The following ZNF704 variants were observed in gnomAD, a reference collection of about 807,000 sequenced individuals.
ZNF704 encodes the protein zinc finger protein 704.
Under a neutral mutation model 44.7 loss-of-function variants are expected in ZNF704, and 10 were observed. The ratio of observed to expected loss-of-function variants is 0.22; its 90% CI spans 0.14 to 0.38. The LOEUF is 0.38. Among genes scored for constraint, ZNF704 ranks in the 10% least tolerant of loss-of-function variants. The probability of loss-of-function intolerance (pLI) is 1.00; values close to 1 mark genes in which losing one functional copy is unlikely to be tolerated. For missense variants in ZNF704, 390 were observed against 545.5 expected (o/e 0.71, Z 2.84); for synonymous variants, 211 against 207.6 (o/e 1.02, Z -0.14).
At chr8:80,850,792 T>A (rs1808845376) in intron 1 of ZNF704, among the ~76,000 whole-genome samples, 1 of 152,142 alleles carries the variant, frequency 6.6e-6, no homozygotes. Flanking sequence ...TGCAAATACA[T>A]GCATATGTGT....
chr8:80,838,390 A>G (rs906498291), intron 1 of ZNF704, among the ~76,000 whole-genome samples: 1 of 152,216 alleles, frequency 6.6e-6, no homozygotes, highest in African/African-American at 2.4e-5. Flanking sequence ...CTGGGCAGAA[A>G]CAGGGCCAAC....
At position 80,856,852 on chromosome 8, in the gene ZNF704, T is replaced by C. The variant is rs546989919; in HGVS notation, c.-22+17719A>G. ...TTATTGTAGTTATTTTGCATTTCCATATACATTTGAGATTAGCTTGTCAAT... is the reference window on the plus strand; with the variant it reads ...TTATTGTAGTTATTTTGCATTTCCACATACATTTGAGATTAGCTTGTCAAT... On this transcript the variant is annotated intron_variant, in intron 1 of 8. Transcript: ENST00000327835. Among the ~76,000 whole-genome samples, 16 of 152,326 alleles carry C rather than the reference T, an allele frequency of 1.1e-4. No homozygotes were observed. The East Asian group carries it at 2.9e-3, about 27-fold the overall frequency.
At chr8:80,684,418 C>G (rs1818501741) in intron 4 of ZNF704, among the ~76,000 whole-genome samples, 1 of 152,152 alleles carries the variant, frequency 6.6e-6, no homozygotes, top group Non-Finnish European at 1.5e-5. Flanking sequence ...TAAATTGATT[C>G]ACAACCCTCT....
intron 3 of ZNF704, among the ~76,000 whole-genome samples, chr8:80,692,045 C>T (rs886531016): frequency 6.6e-6 from 1 of 152,014 alleles, no homozygotes; most frequent in African/African-American, 2.4e-5. Context: ...GGCTGATAAA[C>T]CTAATCATAA....
chr8:80,779,365 C>T (rs966037440), intron 2 of ZNF704, among the ~76,000 whole-genome samples: 4 of 152,160 alleles, frequency 2.6e-5, no homozygotes, highest in African/African-American at 9.7e-5. Context: ...CCTCAGCCTC[C>T]CGAGTAGCTG....
At chr8:80,760,482 C>A (rs1348405301) in intron 2 of ZNF704, among the ~76,000 whole-genome samples, 3 of 151,806 alleles carry the variant, frequency 2.0e-5, no homozygotes, top group African/African-American at 7.3e-5. Flanking sequence ...ATGGTGAAAC[C>A]CTGTCTCTAC....
chr8:80,727,711 T>G, intron 2 of ZNF704, among the ~76,000 whole-genome samples: 1 of 152,132 alleles, frequency 6.6e-6, no homozygotes. Flanking sequence ...CCCTTGGCAG[T>G]GCAAATTAGG....
intron 2 of ZNF704, among the ~76,000 whole-genome samples, chr8:80,765,117 G>A (rs1807206598): frequency 6.6e-6 from 1 of 152,212 alleles, no homozygotes; most frequent in African/African-American, 2.4e-5. Flanking sequence ...TCAGTTTTAA[G>A]TCAAAATCCT....
rs143329439 is a variant in ZNF704 at position 80,693,005 on chromosome 8, G to A, written c.324C>T (p.Asn108=). 424 of 1,613,992 alleles carry A rather than the reference G, an allele frequency of 2.6e-4. 4 individuals carry two copies. The East Asian group carries it at 4.5e-3, about 17-fold the overall frequency. ...PLVRSPPVRP[N]ESLSGSWKEG... ...CTAAGTCCCATATCCTGGGCTTACCGTTCGGCCGCACGGGAGGACTTCGAA... is the reference window on the plus strand; with the variant it reads ...CTAAGTCCCATATCCTGGGCTTACCATTCGGCCGCACGGGAGGACTTCGAA... The change falls in exon 3 of 9, where the codon AAC becomes AAT. Residue 108 remains asparagine, a splice_region_variant and synonymous_variant. Transcript: ENST00000327835.
At chr8:80,866,443 C>T (rs1213529824) in intron 1 of ZNF704, among the ~76,000 whole-genome samples, 1 of 152,164 alleles carries the variant, frequency 6.6e-6, no homozygotes, top group Non-Finnish European at 1.5e-5. Context: ...GGACCTCACA[C>T]CCAAAGAAAA....
intron 2 of ZNF704, among the ~76,000 whole-genome samples, chr8:80,777,414 T>C (rs1181796668): frequency 6.6e-6 from 1 of 152,200 alleles, no homozygotes; most frequent in Non-Finnish European, 1.5e-5. Flanking sequence ...TGTTGTTATT[T>C]TTGAACAATG....
chr8:80,718,689 G>T (rs1240550909), intron 2 of ZNF704, among the ~76,000 whole-genome samples: 4 of 152,168 alleles, frequency 2.6e-5, no homozygotes, highest in Non-Finnish European at 2.9e-5. Context: ...GCCAAGTCCA[G>T]TCTAGATCAA....
chr8:80,687,209 C>T lies in ZNF704; in HGVS notation c.558+17G>A, dbSNP rs1337737137. On this transcript the variant is annotated intron_variant, in intron 4 of 8. Transcript: ENST00000327835. ...TCAGGAAACTGAATGCAGAAGACCG[C>T]GTGGCTGACCACCAACCTTTCTTTT... is the stretch of plus-strand genomic sequence containing the variant. 25 of 1,603,156 alleles carry T rather than the reference C, an allele frequency of 1.6e-5. 1 individual carries two copies. In the Middle Eastern group the frequency reaches 5.0e-4, roughly 32 times the overall value.
chr8:80,701,544 CCT>C (rs1446649932), intron 2 of ZNF704, among the ~76,000 whole-genome samples: 1 of 152,134 alleles, frequency 6.6e-6, no homozygotes, highest in Non-Finnish European at 1.5e-5. Context: ...AACAAGACCT[CCT>C]CTCTCCTGTT....
At chr8:80,855,427 A>G (rs1248683242) in intron 1 of ZNF704, among the ~76,000 whole-genome samples, 10 of 151,936 alleles carry the variant, frequency 6.6e-5, no homozygotes, top group Admixed American at 6.6e-4. Flanking sequence ...ATACATATAC[A>G]CAGTGGAATA....
At chr8:80,837,988 C>T (rs1020012320) in intron 1 of ZNF704, among the ~76,000 whole-genome samples, 2 of 152,164 alleles carry the variant, frequency 1.3e-5, no homozygotes, top group African/African-American at 4.8e-5. Context: ...ACCTATCATA[C>T]ATCAACAGAA....
intron 2 of ZNF704, among the ~76,000 whole-genome samples, chr8:80,730,538 TAAAAAAAAAAAA>T (rs148942015): frequency 0.017 from 1,115 of 63,978 alleles, 21 homozygotes; most frequent in African/African-American, 0.053. Context: ...GACTACATCT[TAAAAAAAAAAAA>T]AAAAAAAAAA....
chr8:80,654,423 A>C (rs2131600083), intron 7 of ZNF704, among the ~76,000 whole-genome samples: 1 of 152,300 alleles, frequency 6.6e-6, no homozygotes, highest in African/African-American at 2.4e-5. Context: ...ATGGGAGAAA[A>C]TTTTTGCAAT....
intron 5 of ZNF704, among the ~76,000 whole-genome samples, chr8:80,666,713 C>G (rs1006252225): frequency 1.3e-5 from 2 of 151,406 alleles, no homozygotes; most frequent in African/African-American, 2.4e-5. Context: ...CTCTGATGGC[C>G]AGTGATGATG....
Sources: allele counts gnomAD v4.1 joint callset (sites outside exome capture counted in the v4.1 genomes callset), GRCh38; gene constraint gnomAD v4.1.1; transcripts MANE v1.5; gene names NCBI Gene and HGNC (gene_info 2026-07-23, HGNC 2026-07-21).